Variants in RBM4 observed in about 807,000 individuals in gnomAD.
RBM4 encodes RNA-binding protein 4.
In RBM4, 7 loss-of-function variants were observed where a neutral mutation model predicts 29.5. The ratio of observed to expected loss-of-function variants is 0.24; its 90% confidence interval spans 0.14 to 0.45. The LOEUF (loss-of-function observed/expected upper bound fraction) is 0.45. RBM4 is among the 20% of genes least tolerant of loss of function. RBM4 has a pLI of 1.00. For missense variants in RBM4, 387 were observed against 502.3 expected, an observed-to-expected ratio of 0.77 and a Z score of 2.19; for synonymous variants, 220 against 205.4, an observed-to-expected ratio of 1.07 and a Z score of -0.61.
chr11:66,663,728 G>GTGTGTA (rs1554971428), intron 2 of RBM4, among the ~76,000 whole-genome samples: 8 of 151,368 alleles, frequency 5.3e-5, no homozygotes, highest in African/African-American at 1.7e-4. Flanking sequence ...GTGTGTGTGT[G>GTGTGTA]TATATATGTT....
chr11:66,655,916 C>T (rs1938940504), intron 2 of RBM4, among the ~76,000 whole-genome samples: 1 of 152,016 alleles, frequency 6.6e-6, no homozygotes, highest in African/African-American at 2.4e-5. Flanking sequence ...TTTTAAACAC[C>T]CTTTCAACCC....
intron 2 of RBM4, among the ~76,000 whole-genome samples, chr11:66,657,543 TGTC>T (rs532327630): frequency 1.6e-3 from 241 of 151,720 alleles, no homozygotes; most frequent in Admixed American, 3.6e-3. Context: ...ATTAGCCAGT[TGTC>T]GTGGTGCGCA....
At chr11:66,642,276 T>A (rs540484018) in intron 2 of RBM4, among the ~76,000 whole-genome samples, 29 of 152,360 alleles carry the variant, frequency 1.9e-4, no homozygotes, top group African/African-American at 7.0e-4. Flanking sequence ...GACTCTCCCT[T>A]GCTTTTGACC....
At chr11:66,649,001 T>A (rs1025790731), downstream of RBM4, among the ~76,000 whole-genome samples, 3 of 151,054 alleles carry the variant, frequency 2.0e-5, no homozygotes, top group Non-Finnish European at 2.9e-5. Flanking sequence ...AAACCATTTA[T>A]TGCTTTTGTT....
chr11:66,660,753 A>C (rs1233852483), intron 2 of RBM4, among the ~76,000 whole-genome samples: 1 of 150,980 alleles, frequency 6.6e-6, no homozygotes, highest in Non-Finnish European at 1.5e-5. Flanking sequence ...TCCCGGGTTC[A>C]CGCCATTCTT....
chr11:66,656,610 A>G (rs560563620), intron 2 of RBM4, among the ~76,000 whole-genome samples: 1 of 152,220 alleles, frequency 6.6e-6, no homozygotes, highest in African/African-American at 2.4e-5. Context: ...AAATATACCA[A>G]TTTTGAAAAC....
chr11:66,659,560 T>C (rs1406654446), intron 2 of RBM4, among the ~76,000 whole-genome samples: 3 of 152,156 alleles, frequency 2.0e-5, no homozygotes, highest in Non-Finnish European at 4.4e-5. Context: ...ATTACAGGCA[T>C]GAGCTACTGC....
chr11:66,657,108 C>CT (rs748071140), intron 2 of RBM4, among the ~76,000 whole-genome samples: 9,256 of 93,382 alleles, frequency 0.099, 1,346 homozygotes, highest in African/African-American at 0.26. Flanking sequence ...ATTTTTTAGT[C>CT]TTTTTTTTTT....
At chr11:66,665,638 G>C (rs4930386) in intron 2 of RBM4, 1 of 1,534,966 alleles carries the variant, frequency 6.5e-7, no homozygotes, top group African/African-American at 1.4e-5. Flanking sequence ...CTGGCTCCGC[G>C]TACAAGCGCC....
At chr11:66,663,698 GTATA>G (rs1272941333) in intron 2 of RBM4, among the ~76,000 whole-genome samples, 3 of 119,950 alleles carry the variant, frequency 2.5e-5, no homozygotes, top group Admixed American at 8.4e-5. Flanking sequence ...AAATGTGTGT[GTATA>G]TGTGTGTGTG....
rs1938691771 is a variant in RBM4 at position 66,646,336 on chromosome 11, T to C, written c.*318T>C. 1.0e-5 allele frequency: 13 copies of C among 1,269,130 alleles called. No individual in the cohort carries two copies. Among genetic ancestry groups the C allele is most frequent in the Non-Finnish European group, 1.3e-5 (13 of 1,001,632 alleles). 78.6% of individuals were successfully genotyped at this position (1,269,130 alleles called of 1,614,324 possible). On this transcript the variant is annotated 3_prime_UTR_variant, in exon 4 of 4. Transcript: ENST00000310092. ...TGTCTCCTCCCTGCCTCCTGCCTCC[T>C]GCGGCTGTTGGATTTGGGAATGACC...
chr11:66,667,173 A>C (rs1939268651), exon 3 of RBM4: 1 of 152,224 alleles, frequency 6.6e-6, no homozygotes, highest in South Asian at 2.1e-4. Flanking sequence ...AGTGATGCTC[A>C]ATTTCAAGGT....
At chr11:66,666,073 C>G (rs558599631) in exon 3 of RBM4, 72 of 1,024,020 alleles carry the variant, frequency 7.0e-5, no homozygotes, top group Middle Eastern at 2.2e-4. Context: ...TATCAAGGAG[C>G]AGCCAGTCAT....
Position 66,643,815 on chromosome 11 carries a change from A to G in RBM4, c.778A>G (p.Met260Val). Residue 260 changes from methionine (M) to valine (V), a missense_variant, in exon 3 of 4, where the codon ATG (methionine) becomes GTG (valine). Met to Val is a conservative substitution (Grantham distance 21). Around this residue, in one of 2 missense-constraint regions of RBM4, gnomAD observed 281 missense variants for 288.7 expected, o/e 0.97. Coordinates refer to ENST00000310092, the MANE Select transcript of RBM4 (RefSeq NM_002896.4). This position sits in a 1 kb window ranked among gnomAD's most constrained non-coding sequence, Gnocchi z 6.1. ...GCTGCCACAAGTCCAGAATACAGCCATGGCCAGTCACCTCACCTCCACCTC... is the reference window on the plus strand; with the variant it reads ...GCTGCCACAAGTCCAGAATACAGCCGTGGCCAGTCACCTCACCTCCACCTC... The part of the protein sequence containing the change: ...SQLPQVQNTA[M>V]ASHLTSTSLD... 9 of 1,613,954 alleles carry G rather than the reference A, an allele frequency of 5.6e-6. No individual in the cohort carries two copies. The highest frequency in any genetic ancestry group is 6.8e-6 in the Non-Finnish European group (8 of 1,179,974).
chr11:66,640,785 T>C (rs886930674), intron 2 of RBM4: 2 of 152,360 alleles, frequency 1.3e-5, no homozygotes, highest in African/African-American at 4.8e-5. Context: ...TTTTGGTGAA[T>C]AGAGCACTTA....
intron 3 of RBM4, among the ~76,000 whole-genome samples, chr11:66,645,640 A>AT (rs71045955): frequency 0.076 from 11,329 of 148,436 alleles, 611 homozygotes; most frequent in Middle Eastern, 0.14. Context: ...AATACTGTTA[A>AT]TTTTTTTTTT....
chr11:66,646,656 C>T (rs1449713433), downstream of RBM4, among the ~76,000 whole-genome samples: 1 of 152,134 alleles, frequency 6.6e-6, no homozygotes, highest in Non-Finnish European at 1.5e-5. Flanking sequence ...AGGCAGGCAG[C>T]CTTATTCCAA....
At chr11:66,654,093 C>G (rs532703413) in intron 2 of RBM4, among the ~76,000 whole-genome samples, 5 of 152,218 alleles carry the variant, frequency 3.3e-5, no homozygotes, top group African/African-American at 1.2e-4. Context: ...ATGGTGTTAT[C>G]TATCTCACTG....
intron 2 of RBM4, among the ~76,000 whole-genome samples, chr11:66,656,356 G>A (rs1347142773): frequency 6.6e-6 from 1 of 152,076 alleles, no homozygotes; most frequent in Non-Finnish European, 1.5e-5. Context: ...TGGCCAGGAT[G>A]GTCTCGATCT....
Sources: allele counts gnomAD v4.1 joint callset (sites outside exome capture counted in the v4.1 genomes callset), GRCh38; gene constraint gnomAD v4.1.1; regional missense constraint gnomAD v4.1.1; non-coding constraint Gnocchi (gnomAD v3.1); transcripts MANE v1.5; gene names NCBI Gene and HGNC (gene_info 2026-07-23, HGNC 2026-07-21).